Variants in STRADA observed in about 807,000 individuals in gnomAD.
STRADA encodes the protein STE20-related kinase adapter protein alpha.
STRADA carries 26 observed loss-of-function variants against 55.0 expected under a neutral mutation model. The observed-to-expected ratio is 0.47, with a 90% CI of 0.35 to 0.66. The LOEUF (loss-of-function observed/expected upper bound fraction) is 0.66. Ranked by LOEUF, STRADA falls within the 30% of genes least tolerant of loss-of-function variation. STRADA has a pLI of 0.01. For synonymous variants in STRADA, 197 were observed against 210.9 expected (o/e 0.93, Z 0.57); for missense variants, 443 against 549.7 (o/e 0.81, Z 1.94).
chr17:63,710,005 G>A (rs1165432041), intron 8 of STRADA, among the ~76,000 whole-genome samples: 1 of 151,212 alleles, frequency 6.6e-6, no homozygotes, highest in Non-Finnish European at 1.5e-5. Context: ...CAAGTCAGTG[G>A]CAAGGTCAGA....
intron 1 of STRADA, chr17:63,737,277 A>AAAAAAAAAAAAAAAAAAG (rs2038514342): frequency 7.0e-6 from 1 of 143,504 alleles, no homozygotes. Context: ...AAAAAAAAAA[A>AAAAAAAAAAAAAAAAAAG]TTGAGATAGT....
chr17:63,719,344 G>A (rs573903474), intron 4 of STRADA, among the ~76,000 whole-genome samples: 4 of 152,276 alleles, frequency 2.6e-5, no homozygotes, highest in East Asian at 3.9e-4. Flanking sequence ...GAAGGTCTTC[G>A]TGCATCTGCT....
intron 1 of STRADA, among the ~76,000 whole-genome samples, chr17:63,729,453 A>G (rs1021435698): frequency 6.6e-6 from 1 of 152,138 alleles, no homozygotes; most frequent in Admixed American, 6.6e-5. Flanking sequence ...TATTATTATG[A>G]CTATGCAAAT....
chr17:63,723,978 G>C (rs1236614690), intron 3 of STRADA: 2 of 152,068 alleles, frequency 1.3e-5, no homozygotes, highest in Non-Finnish European at 2.9e-5. Context: ...TCTCTATTCT[G>C]TAAAAGTGAT....
intron 9 of STRADA, 57 bp downstream of exon 9, chr17:63,707,189 AG>A (rs2143782197): frequency 1.3e-6 from 2 of 1,597,458 alleles, no homozygotes; most frequent in Non-Finnish European, 1.7e-6. Context: ...CAATGCCTGA[AG>A]GCTCCCTTGG....
intron 1 of STRADA, among the ~76,000 whole-genome samples, chr17:63,731,374 T>C (rs2038044376): frequency 6.8e-6 from 1 of 148,068 alleles, no homozygotes; most frequent in African/African-American, 2.5e-5. Flanking sequence ...GTGATTCCCC[T>C]GCCTCAGCCA....
At chr17:63,718,911 T>C (rs902258152) in intron 4 of STRADA, 4 of 152,202 alleles carry the variant, frequency 2.6e-5, no homozygotes, top group Admixed American at 2.6e-4. Context: ...GAAGTTACCA[T>C]TGCAGCTTAT....
At position 63,707,380 on chromosome 17, in the gene STRADA, C is replaced by G. The variant is rs778919231; in HGVS notation, c.620G>C (p.Gly207Ala). 32 of 1,614,012 alleles carry G rather than the reference C, an allele frequency of 2.0e-5. No individual in the cohort carries two copies. The South Asian group carries it at 3.1e-4, about 16-fold the overall frequency. ...KASHILISVD[G>A]KVYLSGLRSN... Reference sequence around the variant, plus strand: ...GCGCAAACCAGACAGGTAGACCTTCCCATCCACAGAGATCAGGATGTGGCT... The same window carrying G: ...GCGCAAACCAGACAGGTAGACCTTCGCATCCACAGAGATCAGGATGTGGCT... Residue 207 changes from glycine (G) to alanine (A), a missense_variant, in exon 9 of 13, where the codon GGG becomes GCG. Transcript: ENST00000336174.
intron 1 of STRADA, among the ~76,000 whole-genome samples, chr17:63,730,351 C>A (rs1239237041): frequency 6.6e-6 from 1 of 151,704 alleles, no homozygotes; most frequent in Admixed American, 6.6e-5. Flanking sequence ...CGGTCTCCTG[C>A]TACAATCTGG....
At chr17:63,724,126 T>A (rs1254566965) in intron 3 of STRADA, among the ~76,000 whole-genome samples, 4 of 152,112 alleles carry the variant, frequency 2.6e-5, no homozygotes, top group African/African-American at 4.8e-5. Context: ...AATGCTTTCT[T>A]CTTTTTAATT....
At position 63,706,624 on chromosome 17, in the gene STRADA, G is replaced by A. The variant is rs774016467; in HGVS notation, c.858+11C>T. 37 of 1,605,818 alleles carry A rather than the reference G, an allele frequency of 2.3e-5. No individual in the cohort carries two copies. The East Asian group carries it at 2.5e-4, about 11-fold the overall frequency. On this transcript the variant is annotated intron_variant, in intron 10 of 12. Coordinates refer to ENST00000336174, the MANE Select transcript of STRADA (RefSeq NM_001003787.4). ...GCAGGCAAGAAGGAAACCGATGGGC[G>A]GCAGGCTTACCTGGGTGGCAGGCAT... is the stretch of plus-strand genomic sequence containing the variant.
intron 5 of STRADA, among the ~76,000 whole-genome samples, chr17:63,713,772 C>T (rs922232068): frequency 4.6e-5 from 7 of 152,090 alleles, no homozygotes; most frequent in South Asian, 2.1e-4. Context: ...GCCAGGACAC[C>T]GGAAACATGG....
In STRADA at chr17:63,739,743, A is replaced by G. The variant is rs1686918915; in HGVS notation, c.-45+1998T>C. The stretch of plus-strand genomic sequence containing the variant: ...TTATGTGTATATATTATGTATACAT[A>G]TTGATACATTATATATTTATGTATA... On this transcript the variant is annotated intron_variant, in intron 1 of 12. Transcript: ENST00000336174. Among the ~76,000 whole-genome samples, 5 of 123,810 alleles carry G rather than the reference A, an allele frequency of 4.0e-5. No homozygotes were observed. In the South Asian group the frequency reaches 1.1e-3, roughly 28 times the overall value. The allele number at this position is 123,810 out of a possible 152,430, so 81.2% of individuals were successfully genotyped here.
chr17:63,731,753 C>T (rs2038071716), intron 1 of STRADA, among the ~76,000 whole-genome samples: 1 of 151,964 alleles, frequency 6.6e-6, no homozygotes, highest in East Asian at 1.9e-4. Flanking sequence ...ATGTAGTCTA[C>T]AATAGAAAGA....
chr17:63,739,709 T>C (rs1480337846), intron 1 of STRADA, among the ~76,000 whole-genome samples: 2 of 148,504 alleles, frequency 1.3e-5, no homozygotes, highest in Middle Eastern at 3.3e-3. Context: ...TATGTATACA[T>C]ATATAATTTT....
chr17:63,704,918 A>T (rs1568172524), intron 10 of STRADA: 2 of 1,535,676 alleles, frequency 1.3e-6, no homozygotes, highest in African/African-American at 2.7e-5. Flanking sequence ...CCTAGAGGGA[A>T]GGAGCAGTCA....
intron 1 of STRADA, among the ~76,000 whole-genome samples, chr17:63,739,758 AT>A (rs998844416): frequency 2.7e-5 from 2 of 73,714 alleles, no homozygotes; most frequent in African/African-American, 1.2e-4. Flanking sequence ...TACATTATAT[AT>A]TTATGTATAT....
At chr17:63,724,237 G>C (rs1262422242) in intron 3 of STRADA, among the ~76,000 whole-genome samples, 1 of 151,944 alleles carries the variant, frequency 6.6e-6, no homozygotes, top group Non-Finnish European at 1.5e-5. Context: ...CCGCCTCCCG[G>C]GTTCAAGCGA....
chr17:63,740,107 T>TATATATATACACACAC (rs1309095081), intron 1 of STRADA, among the ~76,000 whole-genome samples: 1 of 49,648 alleles, frequency 2.0e-5, no homozygotes, highest in Non-Finnish European at 3.7e-5. Flanking sequence ...TATATATATA[T>TATATATATACACACAC]ACATACATAC....
Sources: allele counts gnomAD v4.1 joint callset (sites outside exome capture counted in the v4.1 genomes callset), GRCh38; gene constraint gnomAD v4.1.1; transcripts MANE v1.5; gene names NCBI Gene and HGNC (gene_info 2026-07-23, HGNC 2026-07-21).